The following RUNDC3B variants were observed in gnomAD, a reference collection of about 807,000 sequenced individuals.
RUNDC3B encodes the protein RUN domain containing 3B, also known as RUN domain-containing protein 3B.
RUNDC3B carries 33 observed loss-of-function variants against 58.4 expected under a neutral mutation model. That is an observed-to-expected ratio of 0.56 (90% CI 0.43 to 0.75). The LOEUF is 0.75. Ranked by LOEUF, RUNDC3B falls within the 30% of genes least tolerant of loss-of-function variation. The pLI, the probability that RUNDC3B is intolerant of heterozygous loss-of-function variation, is 0.00. For synonymous variants in RUNDC3B, 193 were observed against 195.2 expected, an observed-to-expected ratio of 0.99 and a Z score of 0.10; for missense variants, 501 against 535.7, an observed-to-expected ratio of 0.94 and a Z score of 0.64.
intron 6 of RUNDC3B, among the ~76,000 whole-genome samples, chr7:87,750,224 C>T (rs1043928902): frequency 1.3e-5 from 2 of 152,132 alleles, no homozygotes; most frequent in Admixed American, 1.3e-4. Flanking sequence ...TTTTTTATGG[C>T]TTCATAGTAT....
intron 2 of RUNDC3B, among the ~76,000 whole-genome samples, chr7:87,655,494 C>T (rs541483850): frequency 6.6e-6 from 1 of 152,150 alleles, no homozygotes; most frequent in East Asian, 1.9e-4. Flanking sequence ...TGCATGACTT[C>T]CTTATACATG....
At chr7:87,771,656 TTAGAGAACTG>T (rs1222495107) in intron 7 of RUNDC3B, among the ~76,000 whole-genome samples, 1 of 152,148 alleles carries the variant, frequency 6.6e-6, no homozygotes, top group Non-Finnish European at 1.5e-5. Context: ...TGTGCATATA[TTAGAGAACTG>T]TAGGCCCCAG....
chr7:87,783,494 C>T (rs190307099), intron 8 of RUNDC3B, among the ~76,000 whole-genome samples: 13 of 152,132 alleles, frequency 8.5e-5, no homozygotes, highest in African/African-American at 2.6e-4. Flanking sequence ...GCATTTAGAC[C>T]GTTTACATTC....
chr7:87,699,645 A>T (rs1828837298), intron 2 of RUNDC3B, among the ~76,000 whole-genome samples: 1 of 152,206 alleles, frequency 6.6e-6, no homozygotes. Context: ...GCCTCAGGTG[A>T]TCCACCCACC....
chr7:87,733,407 G>C (rs1831717236), intron 4 of RUNDC3B, among the ~76,000 whole-genome samples: 1 of 152,126 alleles, frequency 6.6e-6, no homozygotes, highest in Non-Finnish European at 1.5e-5. Context: ...ATAGTTTCAA[G>C]GGGTCTCCCT....
intron 10 of RUNDC3B, among the ~76,000 whole-genome samples, chr7:87,824,970 G>C (rs751558329): frequency 2.0e-5 from 3 of 152,122 alleles, no homozygotes; most frequent in East Asian, 1.9e-4. Context: ...AAGGGAAGGA[G>C]AGCATAAAAG....
chr7:87,763,533 T>C (rs1584139471), intron 6 of RUNDC3B, among the ~76,000 whole-genome samples: 1 of 151,742 alleles, frequency 6.6e-6, no homozygotes, highest in East Asian at 1.9e-4. Context: ...TGGATATGTG[T>C]CCTTGTATGA....
At chr7:87,712,520 A>T (rs1234776674) in intron 4 of RUNDC3B, among the ~76,000 whole-genome samples, 1 of 152,090 alleles carries the variant, frequency 6.6e-6, no homozygotes. Flanking sequence ...AAGTTATGAT[A>T]GTCTTTTCCA....
Position 87,713,450 on chromosome 7 carries a change from A to G in RUNDC3B, c.458+2795A>G, listed in dbSNP as rs4148727. 7,378 of 152,192 alleles carry G rather than the reference A, an allele frequency of 0.048. 270 individuals are homozygous for G. Among genetic ancestry groups the G allele is most frequent in the East Asian group, 0.097 (501 of 5,176 alleles). The allele number at this position is 152,192 out of a possible 1,614,324, so 9.4% of individuals were successfully genotyped here. On this transcript the variant is annotated intron_variant, in intron 4 of 10. Coordinates refer to ENST00000394654, the MANE Select transcript of RUNDC3B (RefSeq NM_001134405.2). ...AGTAGAGATAAAATAAATTTTGAGT[A>G]CATGACTATGGCTCCAAAGCATTGA...
At chr7:87,794,946 T>A (rs914895658) in intron 8 of RUNDC3B, among the ~76,000 whole-genome samples, 4 of 152,170 alleles carry the variant, frequency 2.6e-5, no homozygotes, top group Admixed American at 2.6e-4. Context: ...TAGACCTGTA[T>A]CTCTCACCAT....
intron 4 of RUNDC3B, among the ~76,000 whole-genome samples, chr7:87,720,540 ATATGTGTG>A (rs1371064840): frequency 9.9e-6 from 1 of 100,770 alleles, no homozygotes. Context: ...AAGATAGGAT[ATATGTGTG>A]TGTGTGTGTG....
intron 4 of RUNDC3B, among the ~76,000 whole-genome samples, chr7:87,717,603 A>C (rs547716007): frequency 6.6e-6 from 1 of 152,188 alleles, no homozygotes; most frequent in South Asian, 2.1e-4. Context: ...AATTTCCTAC[A>C]GAAATATAAT....
chr7:87,822,673 T>C (rs1183504102), intron 10 of RUNDC3B, among the ~76,000 whole-genome samples: 7 of 152,014 alleles, frequency 4.6e-5, no homozygotes, highest in Non-Finnish European at 1.0e-4. Context: ...ATTAAGAAAA[T>C]GTGGCACATA....
chr7:87,669,407 T>C lies in RUNDC3B; in HGVS notation c.238+18470T>C, dbSNP rs564616180. ...TGGGTCTCTTGAACACAGCATACCA[T>C]TGGGTCTTGCTTTTTTATCCAGCTT... On this transcript the variant is annotated intron_variant, in intron 2 of 10. Transcript: ENST00000394654. Among the ~76,000 whole-genome samples, 5 of 152,262 alleles carry C rather than the reference T, an allele frequency of 3.3e-5. No individual in the cohort carries two copies. The East Asian group carries it at 5.8e-4, about 18-fold the overall frequency.
At chr7:87,782,998 A>G (rs987266196) in intron 8 of RUNDC3B, among the ~76,000 whole-genome samples, 1 of 152,172 alleles carries the variant, frequency 6.6e-6, no homozygotes, top group Non-Finnish European at 1.5e-5. Flanking sequence ...TCAAATTTAC[A>G]TCCAGAATTT....
chr7:87,651,070 T>G, intron 2 of RUNDC3B, 133 bp downstream of exon 2: 1 of 595,662 alleles, frequency 1.7e-6, no homozygotes, highest in Non-Finnish European at 2.9e-6. Flanking sequence ...TCTTTTGGCC[T>G]GTGTGACTAC....
intron 4 of RUNDC3B, among the ~76,000 whole-genome samples, chr7:87,727,736 G>C (rs1251655881): frequency 1.3e-5 from 2 of 152,096 alleles, no homozygotes; most frequent in Admixed American, 6.6e-5. Context: ...CTTATCAAGA[G>C]GATGCATGTC....
chr7:87,797,162 T>C (rs542447728), intron 8 of RUNDC3B, among the ~76,000 whole-genome samples: 1 of 152,288 alleles, frequency 6.6e-6, no homozygotes, highest in South Asian at 2.1e-4. Context: ...GAATATAAAA[T>C]ATGAATAACT....
chr7:87,745,900 A>C, intron 6 of RUNDC3B, among the ~76,000 whole-genome samples: 1 of 151,968 alleles, frequency 6.6e-6, no homozygotes, highest in East Asian at 1.9e-4. Context: ...TTAGAACGTC[A>C]GTTTGTACTC....
Sources: gnomAD v4.1 joint callset for allele counts (sites outside exome capture counted in the v4.1 genomes callset) on GRCh38, gnomAD v4.1.1 for gene constraint, MANE v1.5 for transcripts, NCBI Gene and HGNC (gene_info 2026-07-23, HGNC 2026-07-21) for gene names.